ZFYVE16: variants seen among roughly 807,000 people sequenced by gnomAD.
The protein encoded by ZFYVE16 is zinc finger FYVE domain-containing protein 16.
A neutral mutation model predicts 138.1 loss-of-function variants in ZFYVE16; 89 were observed. That is an observed-to-expected ratio of 0.64 (90% CI 0.54 to 0.77). The LOEUF (loss-of-function observed/expected upper bound fraction) is 0.77, where lower values mean the gene tolerates loss of function less well. Ranked by LOEUF, ZFYVE16 falls within the 30% of genes least tolerant of loss-of-function variation. The pLI, the probability that ZFYVE16 is intolerant of heterozygous loss-of-function variation, is 0.00. For missense variants in ZFYVE16, 1,793 were observed against 1,786.7 expected, an observed-to-expected ratio of 1.00 and a Z score of -0.06; for synonymous variants, 596 against 618.3, an observed-to-expected ratio of 0.96 and a Z score of 0.53.
At chr5:80,427,232 G>A (rs1395089331) in intron 1 of ZFYVE16, among the ~76,000 whole-genome samples, 1 of 151,974 alleles carries the variant, frequency 6.6e-6, no homozygotes, top group Non-Finnish European at 1.5e-5. Context: ...TCCTTGGGTA[G>A]GATAAATTCT....
chr5:80,473,927 C>A, intron 17 of ZFYVE16, 68 bp downstream of exon 17: 1 of 1,123,580 alleles, frequency 8.9e-7, no homozygotes, highest in Non-Finnish European at 1.3e-6. Flanking sequence ...GGAGATTGTG[C>A]ATACTCAACC....
chr5:80,451,802 TAATG>T (rs1752013359), intron 11 of ZFYVE16, 93 bp downstream of exon 11: 1 of 1,195,776 alleles, frequency 8.4e-7, no homozygotes, highest in African/African-American at 1.5e-5. Context: ...TTTAATGGAT[TAATG>T]GAACTACTTT....
chr5:80,441,732 A>G, intron 5 of ZFYVE16: 2 of 985,446 alleles, frequency 2.0e-6, no homozygotes. Context: ...AATTACTTTG[A>G]AATCCAGAGT....
chr5:80,446,186 C>T (rs186031992), intron 7 of ZFYVE16, among the ~76,000 whole-genome samples: 4 of 152,088 alleles, frequency 2.6e-5, no homozygotes, highest in East Asian at 3.9e-4. Flanking sequence ...AGTGAGCCAC[C>T]GTGCCTGGCC....
At chr5:80,426,659 A>G (rs923207455) in intron 1 of ZFYVE16, among the ~76,000 whole-genome samples, 3 of 152,276 alleles carry the variant, frequency 2.0e-5, no homozygotes, top group South Asian at 4.1e-4. Context: ...ATAGTATTCT[A>G]TGGTGTTATA....
At chr5:80,459,012 C>T (rs1370987103) in intron 14 of ZFYVE16, among the ~76,000 whole-genome samples, 1 of 152,192 alleles carries the variant, frequency 6.6e-6, no homozygotes, top group Admixed American at 6.5e-5. Context: ...CTCACTGGAA[C>T]CTCCACCTCC....
At chr5:80,477,104 ATATTT>A (rs1307554546) in intron 18 of ZFYVE16, 110 bp from the exon 19 acceptor site, 2 of 831,286 alleles carry the variant, frequency 2.4e-6, no homozygotes, top group Non-Finnish European at 3.5e-6. Flanking sequence ...AATATATCAA[ATATTT>A]TATTTAACAT....
chr5:80,428,589 G>T lies in ZFYVE16; in HGVS notation c.-40+1044G>T, dbSNP rs182926950. Reference sequence around the variant, plus strand: ...GGAACGCAGTTCCTCACCGGCAATGGAACAAAGCTGGACAGAGAATGACTT... The same window carrying T: ...GGAACGCAGTTCCTCACCGGCAATGTAACAAAGCTGGACAGAGAATGACTT... On this transcript the variant is annotated intron_variant, in intron 2 of 18. Coordinates refer to ENST00000505560, the MANE Select transcript of ZFYVE16 (RefSeq NM_001284236.3). Among the ~76,000 whole-genome samples, 945 of 152,294 alleles carry T rather than the reference G, an allele frequency of 6.2e-3. 9 individuals carry two copies. Among genetic ancestry groups the T allele is most frequent in the African/African-American group, 0.021 (873 of 41,566 alleles).
chr5:80,421,924 A>C (rs1747258847), intron 1 of ZFYVE16, among the ~76,000 whole-genome samples: 1 of 152,216 alleles, frequency 6.6e-6, no homozygotes, highest in South Asian at 2.1e-4. Flanking sequence ...CTTCCTATCC[A>C]AGAGCATAGA....
chr5:80,472,985 C>G, intron 16 of ZFYVE16, 62 bp downstream of exon 16: 2 of 1,360,424 alleles, frequency 1.5e-6, no homozygotes, highest in East Asian at 5.1e-5. Context: ...TTAAAATATC[C>G]TATTAATAAA....
chr5:80,433,485 T>C (rs184115314), intron 2 of ZFYVE16, among the ~76,000 whole-genome samples: 14 of 152,138 alleles, frequency 9.2e-5, no homozygotes, highest in Admixed American at 9.2e-4. Flanking sequence ...ATACCTAATG[T>C]AAATGATGAG....
Position 80,472,805 on chromosome 5 carries a change from C to T in ZFYVE16, c.4069C>T (p.Arg1357Trp), listed in dbSNP as rs144415532. 4.3e-5 allele frequency: 70 copies of T among 1,613,742 alleles called. No homozygotes were observed. The highest frequency in any genetic ancestry group is 1.6e-4 in the Middle Eastern group (1 of 6,080). The change falls in exon 16 of 19, where the codon CGG (arginine) becomes TGG (tryptophan). Residue 1357 changes from arginine to tryptophan, a missense_variant. Arg to Trp is a moderately radical substitution (Grantham distance 101). Around this residue, in one of 2 missense-constraint regions of ZFYVE16, gnomAD observed 498 missense variants for 582.4 expected, o/e 0.86. Coordinates refer to ENST00000505560, the MANE Select transcript of ZFYVE16 (RefSeq NM_001284236.3). ...AACTCCAGAGACCATGAATGGCTTG[C>T]GGCTAGCTTTACGAGAACAGAAAGA... The part of the protein sequence containing the change: ...QITPETMNGL[R>W]LALREQKDFK...
chr5:80,426,293 T>TATATATATATATATATATAAATAA (rs1402433567), intron 1 of ZFYVE16, among the ~76,000 whole-genome samples: 1 of 88,686 alleles, frequency 1.1e-5, no homozygotes, highest in African/African-American at 3.3e-5. Context: ...TATATATATA[T>TATATATATATATATATATAAATAA]AATTAAATTT....
At chr5:80,444,139 A>T (rs1038225972) in intron 6 of ZFYVE16, among the ~76,000 whole-genome samples, 2 of 152,214 alleles carry the variant, frequency 1.3e-5, no homozygotes, top group Non-Finnish European at 2.9e-5. Context: ...TATCAGTTAA[A>T]GGCAAATTTG....
rs1377205453 is a variant in ZFYVE16 at position 80,429,506 on chromosome 5, T to C, written c.-40+1961T>C. Among the ~76,000 whole-genome samples the C allele has an allele frequency of 2.0e-5, 3 of 152,158 alleles. No homozygotes were observed. In the East Asian group the frequency reaches 5.8e-4, roughly 29 times the overall value. On this transcript the variant is annotated intron_variant, in intron 2 of 18. Transcript: ENST00000505560. The stretch of plus-strand genomic sequence containing the variant: ...AGCCACTGCAAAAAACATGCCAAAT[T>C]GTAAAGACCATCGATGCTAGGAAGT...
chr5:80,443,936 A>G (rs1751011269), intron 6 of ZFYVE16: 1 of 416,922 alleles, frequency 2.4e-6, no homozygotes, highest in Admixed American at 2.7e-5. Flanking sequence ...TAATTGTTCT[A>G]TCTCCTTTTC....
At chr5:80,411,134 ATTTTTTTTT>A (rs58086060) in intron 1 of ZFYVE16, among the ~76,000 whole-genome samples, 2 of 95,244 alleles carry the variant, frequency 2.1e-5, no homozygotes, top group African/African-American at 4.0e-5. Context: ...CGCCCAGCTA[ATTTTTTTTT>A]TTTTTTTTTT....
At chr5:80,461,475 A>C (rs1753103419) in intron 15 of ZFYVE16, among the ~76,000 whole-genome samples, 1 of 152,170 alleles carries the variant, frequency 6.6e-6, no homozygotes, top group Admixed American at 6.5e-5. Flanking sequence ...ACTTCATCTT[A>C]ATCAGTTTGG....
At chr5:80,408,422 T>G (rs1453593567) in intron 1 of ZFYVE16, among the ~76,000 whole-genome samples, 1 of 152,192 alleles carries the variant, frequency 6.6e-6, no homozygotes, top group Non-Finnish European at 1.5e-5. Flanking sequence ...GTTTGCCCGG[T>G]TCCCCGCTCC....
Sources: allele counts gnomAD v4.1 joint callset (sites outside exome capture counted in the v4.1 genomes callset), GRCh38; gene constraint gnomAD v4.1.1; regional missense constraint gnomAD v4.1.1; transcripts MANE v1.5; gene names NCBI Gene and HGNC (gene_info 2026-07-23, HGNC 2026-07-21).